PCDHGA4: variants seen among roughly 807,000 people sequenced by gnomAD.
The protein encoded by PCDHGA4 is protocadherin gamma-A4.
In PCDHGA4, 38 loss-of-function variants were observed where a neutral mutation model predicts 54.6. That is an observed-to-expected ratio of 0.70 (90% CI 0.54 to 0.91). The LOEUF is 0.91. PCDHGA4 is among the 40% of genes least tolerant of loss of function. The probability of loss-of-function intolerance (pLI) is 0.00; values close to 1 mark genes in which losing one functional copy is unlikely to be tolerated. For missense variants in PCDHGA4, 1,298 were observed against 1,220.9 expected (o/e 1.06, Z -0.94); for synonymous variants, 511 against 512.9 (o/e 1.00, Z 0.05).
At chr5:141,501,333 A>ACC (rs1554187333) in intron 2 of PCDHGA4, among the ~76,000 whole-genome samples, 192 of 140,118 alleles carry the variant, frequency 1.4e-3, no homozygotes, top group Admixed American at 5.6e-3. Flanking sequence ...ACACACACAC[A>ACC]CCCCAAACTC....
rs775104626 is a variant in PCDHGA4, at chr5:141,486,636, C to T, written c.2515-8171C>T. On this transcript the variant is annotated intron_variant, in intron 1 of 3. Transcript: ENST00000571252. This position sits in a 1 kb window ranked among gnomAD's most constrained non-coding sequence, Gnocchi z 5.0. ...TCTGACCCAGACTCTGGCTTGAATG[C>T]GCTTATCTCCTACTCACTCCTGGAG... 7 of 1,613,540 alleles carry T rather than the reference C, an allele frequency of 4.3e-6. No individual in the cohort carries two copies. The highest frequency in any genetic ancestry group is 1.3e-5 in the African/African-American group (1 of 74,926).
chr5:141,477,296 G>C lies in PCDHGA4; in HGVS notation c.2515-17511G>C. On this transcript the variant is annotated intron_variant, in intron 1 of 3. Transcript: ENST00000571252. This position sits in a 1 kb window ranked among gnomAD's most constrained non-coding sequence, Gnocchi z 4.9. ...GCTGGTGACCTGCGAAGTTCCACCG[G>C]GTCTCCCTTTCAGCCTTACTTCTTC... 3 of 1,614,064 alleles carry C rather than the reference G, an allele frequency of 1.9e-6. No individual in the cohort carries two copies. Among genetic ancestry groups the C allele is most frequent in the African/African-American group, 1.3e-5 (1 of 75,014 alleles).
At chr5:141,372,388 C>T (rs745890626) in intron 1 of PCDHGA4, 1 of 1,614,056 alleles carries the variant, frequency 6.2e-7, no homozygotes, top group Non-Finnish European at 8.5e-7. Flanking sequence ...CTAATCTTCG[C>T]AGATAGCTTG....
chr5:141,366,172 A>C lies in PCDHGA4; in HGVS notation c.2514+8551A>C, dbSNP rs559505576. On this transcript the variant is annotated intron_variant, in intron 1 of 3. Transcript: ENST00000571252. The stretch of plus-strand genomic sequence containing the variant: ...ACCGCCTGCTTAAGGCCAGCGAGCC[A>C]GGACTCTTTGCGGTTGGGCTGCACA... The C allele has an allele frequency of 2.6e-5, 42 of 1,613,958 alleles. No homozygotes were observed. The Admixed American group carries it at 7.0e-4, about 27-fold the overall frequency.
intron 1 of PCDHGA4, chr5:141,404,821 A>C: frequency 6.2e-7 from 1 of 1,613,788 alleles, no homozygotes; most frequent in Non-Finnish European, 8.5e-7. Flanking sequence ...GGCTGCACAC[A>C]GGTGAAGTGC....
At chr5:141,389,141 C>T (rs919430175) in intron 1 of PCDHGA4, 1 of 1,613,996 alleles carries the variant, frequency 6.2e-7, no homozygotes, top group Non-Finnish European at 8.5e-7. Flanking sequence ...ACAATATAAC[C>T]GTTACGGCAA....
chr5:141,357,735 A>G, intron 1 of PCDHGA4, 114 bp downstream of exon 1: 2 of 1,327,896 alleles, frequency 1.5e-6, no homozygotes, highest in Non-Finnish European at 2.0e-6. Flanking sequence ...TTAATATTTT[A>G]TTGCTTTAAA....
chr5:141,357,743 A>G (rs1760722694), intron 1 of PCDHGA4, 122 bp downstream of exon 1: 1 of 1,230,492 alleles, frequency 8.1e-7, no homozygotes. Context: ...TTATTGCTTT[A>G]AAGAAAACTG....
intron 1 of PCDHGA4, chr5:141,393,874 G>T (rs1226947734): frequency 1.2e-6 from 2 of 1,613,826 alleles, no homozygotes; most frequent in Non-Finnish European, 1.7e-6. Flanking sequence ...TCTTTGTTTA[G>T]CCCAGTGTTA....
At position 141,487,137 on chromosome 5, in the gene PCDHGA4, T is replaced by A. The variant is rs2154580779; in HGVS notation, c.2515-7670T>A. ...GTAAAGGATAGTGGTAGTCCACCAC[T>A]CTCTACCTCTGTTACTCTCTTAGTG... On this transcript the variant is annotated intron_variant, in intron 1 of 3. Coordinates refer to ENST00000571252, the MANE Select transcript of PCDHGA4 (RefSeq NM_018917.4). The surrounding 1 kb of genome is among the most constrained non-coding windows in gnomAD (Gnocchi z 5.0). 1.9e-6 allele frequency: 3 copies of A among 1,614,092 alleles called. No individual in the cohort carries two copies. The East Asian group carries it at 6.7e-5, about 36-fold the overall frequency.
Position 141,408,776 on chromosome 5 carries a change from C to T in PCDHGA4, c.2514+51155C>T, listed in dbSNP as rs748401410. 54 of 1,611,566 alleles carry T rather than the reference C, an allele frequency of 3.4e-5. No homozygotes were observed. The highest frequency in any genetic ancestry group is 4.4e-5 in the Non-Finnish European group (52 of 1,178,840). On this transcript the variant is annotated intron_variant, in intron 1 of 3. Coordinates refer to ENST00000571252, the MANE Select transcript of PCDHGA4 (RefSeq NM_018917.4). Reference sequence around the variant, plus strand: ...AGTTAATTCCGATGGTGGCAAATACCCAGAGTTATCTCTGGAGAAACTCCT... The same window carrying T: ...AGTTAATTCCGATGGTGGCAAATACTCAGAGTTATCTCTGGAGAAACTCCT...
intron 1 of PCDHGA4, among the ~76,000 whole-genome samples, chr5:141,373,152 A>C (rs1769359529): frequency 6.6e-6 from 1 of 152,250 alleles, no homozygotes; most frequent in Non-Finnish European, 1.5e-5. Context: ...TGGTTTACTT[A>C]GTTTTAATGC....
At chr5:141,371,295 C>G (rs1362756223) in intron 1 of PCDHGA4, 3 of 1,613,880 alleles carry the variant, frequency 1.9e-6, no homozygotes, top group Non-Finnish European at 2.5e-6. Context: ...AACGGGGGAA[C>G]TCACCACTAT....
At chr5:141,404,524 G>GTTT in intron 1 of PCDHGA4, 7 of 1,613,938 alleles carry the variant, frequency 4.3e-6, no homozygotes, top group Non-Finnish European at 5.9e-6. Context: ...ACTATGAGCA[G>GTTT]TTTAGAGATT....
Position 141,355,308 on chromosome 5 carries a change from T to C in PCDHGA4, c.201T>C (p.Phe67=). Residue 67 remains phenylalanine (F), a synonymous_variant, in exon 1 of 4, where the codon TTT becomes TTC. Transcript: ENST00000571252. ...CCGAACAGATTCTCTACTCGGTGTT[T>C]GAGGAGCAGGAAGAAGGCTCAGTGG... ...IRAEQILYSV[F]EEQEEGSVVG... is the part of the protein sequence containing the mutation. 1 of 1,613,914 alleles carries C rather than the reference T, an allele frequency of 6.2e-7. No homozygotes were observed. The highest frequency in any genetic ancestry group is 8.5e-7 in the Non-Finnish European group (1 of 1,179,888).
chr5:141,489,268 G>C lies in PCDHGA4; in HGVS notation c.2515-5539G>C. 6.4e-7 allele frequency: 1 copy of C among 1,553,286 alleles called. No individual in the cohort carries two copies. The highest frequency in any genetic ancestry group is 8.7e-7 in the Non-Finnish European group (1 of 1,149,780). ...GGGGCCCAAGACACTCCCACAGCTC[G>C]CTGGGAAATGGCAAGTGCTGTGCAT... On this transcript the variant is annotated intron_variant, in intron 1 of 3. Transcript: ENST00000571252. The surrounding 1 kb of genome is among the most constrained non-coding windows in gnomAD (Gnocchi z 4.5).
At chr5:141,421,895 G>C in intron 1 of PCDHGA4, 1 of 1,613,730 alleles carries the variant, frequency 6.2e-7, no homozygotes, top group Non-Finnish European at 8.5e-7. Context: ...GATCCCATCC[G>C]AAAGGGCGCA....
At position 141,379,889 on chromosome 5, in the gene PCDHGA4, C is replaced by CTTTTTTTTTTTTTTTTTTTTTTTTTT. The variant is rs70988800; in HGVS notation, c.2514+22273_2514+22298dup. On this transcript the variant is annotated intron_variant, in intron 1 of 3. Coordinates refer to ENST00000571252, the MANE Select transcript of PCDHGA4 (RefSeq NM_018917.4). ...CTTATTTTATGGTCTGTGAAAGCCT[C>CTTTTTTTTTTTTTTTTTTTTTTTTTT]TTTTTTTTTTTTTTTTTTTTTTTTT... Among the ~76,000 whole-genome samples the CTTTTTTTTTTTTTTTTTTTTTTTTTT allele has an allele frequency of 6.9e-4, 35 of 50,830 alleles. 8 individuals carry two copies. Among genetic ancestry groups the CTTTTTTTTTTTTTTTTTTTTTTTTTT allele is most frequent in the Non-Finnish European group, 8.9e-4 (23 of 25,880 alleles). The allele number at this position is 50,830 out of a possible 152,430, so 33.3% of individuals were successfully genotyped here. A position where few individuals can be genotyped will look rare whatever the true frequency, so the allele number is the denominator to read the frequency against.
chr5:141,489,066 C>G lies in PCDHGA4; in HGVS notation c.2515-5741C>G. The stretch of plus-strand genomic sequence containing the variant: ...CACTCAAATTCAGCTCCCCTCCCCC[C>G]TGCCCACCCCCGCCACTCGGTGACT... On this transcript the variant is annotated intron_variant, in intron 1 of 3. Transcript: ENST00000571252. This position sits in a 1 kb window ranked among gnomAD's most constrained non-coding sequence, Gnocchi z 4.5. 1 of 391,132 alleles carries G rather than the reference C, an allele frequency of 2.6e-6. No individual in the cohort carries two copies. Among genetic ancestry groups the G allele is most frequent in the South Asian group, 4.2e-5 (1 of 24,028 alleles). 24.2% of individuals were successfully genotyped at this position (391,132 alleles called of 1,614,324 possible).
Sources: gnomAD v4.1 joint callset for allele counts (sites outside exome capture counted in the v4.1 genomes callset) on GRCh38, gnomAD v4.1.1 for gene constraint, Gnocchi (gnomAD v3.1) non-coding constraint, MANE v1.5 for transcripts, NCBI Gene and HGNC (gene_info 2026-07-23, HGNC 2026-07-21) for gene names.